Variants in RBMS3 observed in about 807,000 individuals in gnomAD.
RBMS3 encodes the protein RNA binding motif single stranded interacting protein 3.
In RBMS3, 27 loss-of-function variants were observed where a neutral mutation model predicts 66.8. The ratio of observed to expected loss-of-function variants is 0.40; its 90% CI spans 0.30 to 0.56. The LOEUF is 0.56. RBMS3 is among the 20% of genes least tolerant of loss of function. The pLI is 0.40. For missense variants in RBMS3, 513 were observed against 549.5 expected (o/e 0.93, Z 0.66); for synonymous variants, 188 against 183.0 (o/e 1.03, Z -0.22).
rs144508398 is a variant in RBMS3 at position 29,415,761 on chromosome 3, G to A, written c.76-18982G>A. The stretch of plus-strand genomic sequence containing the variant: ...GGACTTGGGGCCTGGCTAAGACTCA[G>A]TCATGACAATGAAATTTTTTTTTTA... On this transcript the variant is annotated intron_variant, in intron 1 of 14. Transcript: ENST00000383767. Among the ~76,000 whole-genome samples the A allele has an allele frequency of 1.0e-3, 152 of 148,890 alleles. No individual in the cohort carries two copies. The East Asian group carries it at 0.014, about 13-fold the overall frequency.
At chr3:29,475,431 G>A (rs962440008) in intron 2 of RBMS3, among the ~76,000 whole-genome samples, 7 of 151,900 alleles carry the variant, frequency 4.6e-5, no homozygotes, top group African/African-American at 1.7e-4. Context: ...TGTAGTTTTC[G>A]TAGGGATGGG....
intron 1 of RBMS3, among the ~76,000 whole-genome samples, chr3:29,318,994 A>G (rs538822659): frequency 8.5e-5 from 13 of 152,106 alleles, no homozygotes; most frequent in Non-Finnish European, 1.6e-4. Flanking sequence ...ATTGTAGCAT[A>G]TATCAAAGAG....
chr3:29,901,825 C>T (rs1009439691), intron 10 of RBMS3, among the ~76,000 whole-genome samples: 1 of 151,808 alleles, frequency 6.6e-6, no homozygotes. Flanking sequence ...CTGGGCCACA[C>T]ACCACTTTGC....
intron 1 of RBMS3, among the ~76,000 whole-genome samples, chr3:29,404,607 G>T (rs1575724647): frequency 6.6e-6 from 1 of 152,178 alleles, no homozygotes; most frequent in African/African-American, 2.4e-5. Flanking sequence ...CTACTTTGAA[G>T]AAAAATATTA....
At chr3:29,972,834 T>C (rs1431897501) in intron 12 of RBMS3, among the ~76,000 whole-genome samples, 3 of 152,096 alleles carry the variant, frequency 2.0e-5, no homozygotes, top group Non-Finnish European at 4.4e-5. Flanking sequence ...CCCAATCTAA[T>C]GCATTAGTCA....
At chr3:29,920,476 C>T (rs2060743106) in intron 10 of RBMS3, among the ~76,000 whole-genome samples, 1 of 152,162 alleles carries the variant, frequency 6.6e-6, no homozygotes. Flanking sequence ...GAAATTTTTG[C>T]ATACTACTAC....
At chr3:29,922,851 T>G (rs1248451997) in intron 10 of RBMS3, among the ~76,000 whole-genome samples, 1 of 152,212 alleles carries the variant, frequency 6.6e-6, no homozygotes, top group Non-Finnish European at 1.5e-5. Flanking sequence ...AACAATATAG[T>G]TATAGTCTTT....
intron 4 of RBMS3, among the ~76,000 whole-genome samples, chr3:29,685,728 G>C (rs978907374): frequency 1.3e-5 from 2 of 152,192 alleles, no homozygotes; most frequent in Non-Finnish European, 2.9e-5. Flanking sequence ...ATTTGTTTGA[G>C]AGCTTGAAAT....
chr3:29,409,438 A>G (rs370869740), intron 1 of RBMS3, among the ~76,000 whole-genome samples: 4 of 152,334 alleles, frequency 2.6e-5, no homozygotes, highest in African/African-American at 9.6e-5. Context: ...CCCTAACACA[A>G]CACAGTCTTC....
chr3:29,674,022 G>A (rs149107364), intron 4 of RBMS3, among the ~76,000 whole-genome samples: 5,544 of 152,206 alleles, frequency 0.036, 313 homozygotes, highest in African/African-American at 0.12. Context: ...CTGGCAAACC[G>A]AATCCAGCAG....
chr3:29,471,612 ATCAGGCTTATT>A (rs2042728557), intron 2 of RBMS3, among the ~76,000 whole-genome samples: 1 of 152,046 alleles, frequency 6.6e-6, no homozygotes, highest in Non-Finnish European at 1.5e-5. Context: ...TGGTAATAGA[ATCAGGCTTATT>A]TATAAGAAAT....
intron 10 of RBMS3, among the ~76,000 whole-genome samples, chr3:29,909,100 C>T (rs918229950): frequency 2.2e-4 from 34 of 151,968 alleles, no homozygotes; most frequent in African/African-American, 6.3e-4. Flanking sequence ...AAGGGGACTA[C>T]GGGGGGAGCA....
At chr3:29,451,353 A>G (rs1171478658) in intron 2 of RBMS3, among the ~76,000 whole-genome samples, 1 of 152,128 alleles carries the variant, frequency 6.6e-6, no homozygotes, top group East Asian at 1.9e-4. Flanking sequence ...TTATTATGGG[A>G]CATTGTCTTA....
intron 12 of RBMS3, among the ~76,000 whole-genome samples, chr3:29,946,197 G>A (rs964341340): frequency 1.3e-5 from 2 of 151,640 alleles, no homozygotes; most frequent in Non-Finnish European, 3.0e-5. Flanking sequence ...TTGGCTGGTA[G>A]GACAACTTCA....
At chr3:29,611,743 A>G (rs935448048) in intron 4 of RBMS3, among the ~76,000 whole-genome samples, 1 of 152,020 alleles carries the variant, frequency 6.6e-6, no homozygotes, top group Non-Finnish European at 1.5e-5. Flanking sequence ...ATATTAAAAC[A>G]TATTTTTAGG....
chr3:29,932,439 A>C (rs2061153458), intron 10 of RBMS3, among the ~76,000 whole-genome samples: 1 of 152,168 alleles, frequency 6.6e-6, no homozygotes, highest in African/African-American at 2.4e-5. Flanking sequence ...GTATATCAGA[A>C]TCACCTGGAG....
chr3:29,294,030 T>A (rs1294299910), intron 1 of RBMS3, among the ~76,000 whole-genome samples: 1 of 151,838 alleles, frequency 6.6e-6, no homozygotes, highest in East Asian at 1.9e-4. Flanking sequence ...CATATTTGTG[T>A]CAGAGTTAGT....
At chr3:29,864,289 G>C (rs2059290085) in intron 6 of RBMS3, among the ~76,000 whole-genome samples, 2 of 152,148 alleles carry the variant, frequency 1.3e-5, no homozygotes, top group African/African-American at 4.8e-5. Flanking sequence ...GGAACAGAGA[G>C]CATTCATCAT....
At chr3:29,420,565 TTTTTG>T (rs113655823) in intron 1 of RBMS3, among the ~76,000 whole-genome samples, 5 of 150,878 alleles carry the variant, frequency 3.3e-5, no homozygotes, top group African/African-American at 7.3e-5. Context: ...GGTTTGTTTT[TTTTTG>T]TTTTGTTTTG....
Sources: allele counts gnomAD v4.1 joint callset (sites outside exome capture counted in the v4.1 genomes callset), GRCh38; gene constraint gnomAD v4.1.1; transcripts MANE v1.5; gene names NCBI Gene and HGNC (gene_info 2026-07-23, HGNC 2026-07-21).